The following DEPTOR variants were observed in gnomAD, a reference collection of about 807,000 sequenced individuals.
DEPTOR encodes DEP domain-containing mTOR-interacting protein.
Under a neutral mutation model 41.6 loss-of-function variants are expected in DEPTOR, and 41 were observed. The ratio of observed to expected loss-of-function variants is 0.98; its 90% CI spans 0.77 to 1.28. DEPTOR has a LOEUF of 1.28. DEPTOR is among the 50% of genes most tolerant of loss of function. DEPTOR has a pLI of 0.00. For synonymous variants in DEPTOR, 195 were observed against 192.3 expected, an observed-to-expected ratio of 1.01 and a Z score of -0.12; for missense variants, 514 against 527.9, an observed-to-expected ratio of 0.97 and a Z score of 0.26.
chr8:120,006,717 C>A (rs1812443644), intron 6 of DEPTOR, 88 bp from the exon 7 acceptor site: 2 of 1,158,516 alleles, frequency 1.7e-6, no homozygotes, highest in East Asian at 2.4e-5. Context: ...CACTGATGGT[C>A]ACCTACGAGA....
At chr8:119,921,822 A>G (rs1191879689) in intron 1 of DEPTOR, among the ~76,000 whole-genome samples, 1 of 149,330 alleles carries the variant, frequency 6.7e-6, no homozygotes, top group East Asian at 1.9e-4. Context: ...ATGCAGTGGC[A>G]TGATATCGAC....
intron 8 of DEPTOR, among the ~76,000 whole-genome samples, chr8:120,015,551 C>T (rs1222837135): frequency 2.0e-5 from 3 of 152,154 alleles, no homozygotes; most frequent in Non-Finnish European, 2.9e-5. Context: ...GATATGGCTC[C>T]AATGAGTGGA....
Position 120,037,824 on chromosome 8 carries a change from T to G in DEPTOR, c.1102-11752T>G, listed in dbSNP as rs115347406. On this transcript the variant is annotated intron_variant, in intron 8 of 8. Coordinates refer to ENST00000286234, the MANE Select transcript of DEPTOR (RefSeq NM_022783.4). ...TGAGTCCAGGTTATTGTTAAAAGAGTGAAAATGCCCCTGTCACATTCCCCA... is the reference window on the plus strand; with the variant it reads ...TGAGTCCAGGTTATTGTTAAAAGAGGGAAAATGCCCCTGTCACATTCCCCA... Among the ~76,000 whole-genome samples the G allele has an allele frequency of 4.2e-3, 644 of 152,046 alleles. 3 individuals are homozygous for G. The highest frequency in any genetic ancestry group is 0.015 in the African/African-American group (631 of 41,480).
chr8:119,874,122 C>A, intron 1 of DEPTOR, 154 bp downstream of exon 1: 1 of 1,261,260 alleles, frequency 7.9e-7, no homozygotes, highest in Non-Finnish European at 1.1e-6. Context: ...GGTGCGCCCG[C>A]GCTTAGCTGC....
intron 4 of DEPTOR, among the ~76,000 whole-genome samples, chr8:119,982,242 A>G (rs1365491446): frequency 6.6e-6 from 1 of 152,084 alleles, no homozygotes; most frequent in East Asian, 1.9e-4. Flanking sequence ...CTAAGGACTG[A>G]ACATAACATA....
chr8:119,984,408 T>C (rs1332176286), intron 4 of DEPTOR, among the ~76,000 whole-genome samples: 1 of 152,218 alleles, frequency 6.6e-6, no homozygotes, highest in Non-Finnish European at 1.5e-5. Context: ...CCTAATGCTG[T>C]GCCTCCCCTA....
chr8:119,892,992 AG>A (rs1200868228), intron 1 of DEPTOR, among the ~76,000 whole-genome samples: 1 of 152,158 alleles, frequency 6.6e-6, no homozygotes, highest in East Asian at 1.9e-4. Context: ...CATGTTGGCC[AG>A]GCTGGTCTCG....
At chr8:119,945,211 G>A (rs1404560343) in intron 3 of DEPTOR, among the ~76,000 whole-genome samples, 2 of 152,180 alleles carry the variant, frequency 1.3e-5, no homozygotes, top group African/African-American at 4.8e-5. Flanking sequence ...GAAATCAATA[G>A]GCAGTCCCTT....
intron 8 of DEPTOR, among the ~76,000 whole-genome samples, chr8:120,027,635 G>C (rs1031033645): frequency 1.5e-4 from 22 of 151,284 alleles, no homozygotes; most frequent in Non-Finnish European, 3.2e-4. Context: ...AACCCGGGAG[G>C]TGGAGGTTGC....
At chr8:119,990,950 A>C (rs1276769668) in intron 4 of DEPTOR, among the ~76,000 whole-genome samples, 1 of 152,140 alleles carries the variant, frequency 6.6e-6, no homozygotes, top group African/African-American at 2.4e-5. Context: ...TGCTTTAGGA[A>C]ATAGGGCTCC....
chr8:119,911,083 T>G (rs1827730313), intron 1 of DEPTOR, among the ~76,000 whole-genome samples: 1 of 152,188 alleles, frequency 6.6e-6, no homozygotes, highest in African/African-American at 2.4e-5. Context: ...AGGACTTTAG[T>G]GAACAGGAGC....
At chr8:119,895,229 T>A (rs13263147) in intron 1 of DEPTOR, among the ~76,000 whole-genome samples, 124,668 of 152,180 alleles carry the variant, frequency 0.82, 51,421 homozygotes, top group East Asian at 0.95. Context: ...GACTTAAAAG[T>A]ATGGGTGCCC....
In DEPTOR at chr8:120,001,530, A is replaced by AGC; in HGVS notation, c.610_611insGC (p.Asn204SerfsTer17). On this transcript the variant is annotated frameshift_variant, in exon 5 of 9. Transcript: ENST00000286234. LOFTEE classifies it high-confidence loss of function. Reference sequence around the variant, plus strand: ...GTTTTTTTTTTTCTCCCCAGTGTCCAACAAGCACCCATTTGTGGACAGCAA... The same window carrying AGC: ...GTTTTTTTTTTTCTCCCCAGTGTCCAGCACAAGCACCCATTTGTGGACAGCAA... 2 of 1,607,124 alleles carry AGC rather than the reference A, an allele frequency of 1.2e-6. No individual in the cohort carries two copies. The highest frequency in any genetic ancestry group is 3.4e-5 in the Admixed American group (2 of 59,234).
intron 2 of DEPTOR, 49 bp downstream of exon 2, chr8:119,928,627 G>A (rs28461628): frequency 0.26 from 409,763 of 1,584,922 alleles, 55,566 homozygotes; most frequent in African/African-American, 0.36. Flanking sequence ...GGAAGGACTA[G>A]ATCTTTTCAT....
At chr8:119,892,023 G>C (rs186973338) in intron 1 of DEPTOR, among the ~76,000 whole-genome samples, 1 of 152,190 alleles carries the variant, frequency 6.6e-6, no homozygotes, top group African/African-American at 2.4e-5. Context: ...TTTTGAGACA[G>C]AGTCTGGCTG....
At chr8:119,932,884 G>A (rs562372523) in intron 3 of DEPTOR, among the ~76,000 whole-genome samples, 59 of 152,254 alleles carry the variant, frequency 3.9e-4, no homozygotes, top group African/African-American at 1.3e-3. Flanking sequence ...CAAAGGGAAC[G>A]GTAAGGATAA....
chr8:120,014,992 G>A (rs1812587810), intron 8 of DEPTOR, among the ~76,000 whole-genome samples: 1 of 151,598 alleles, frequency 6.6e-6, no homozygotes, highest in African/African-American at 2.4e-5. Flanking sequence ...TCCTCTAGAA[G>A]ACATCCTCTG....
Position 120,009,104 on chromosome 8 carries a change from A to G in DEPTOR, c.1072A>G (p.Ser358Gly). The G allele has an allele frequency of 6.2e-7, 1 of 1,614,062 alleles. No homozygotes were observed. Among genetic ancestry groups the G allele is most frequent in the Non-Finnish European group, 8.5e-7 (1 of 1,179,980 alleles). ...KPCHIQAVDP[S>G]GPAAAAGMKV... is the part of the protein sequence containing the mutation. The stretch of plus-strand genomic sequence containing the variant: ...ATGCCACATCCAGGCTGTAGACCCC[A>G]GTGGCCCTGCAGCCGCAGCAGGAAT... The change falls in exon 8 of 9, where the codon AGT becomes GGT. Residue 358 changes from serine (S) to glycine (G), a missense_variant. Transcript: ENST00000286234.
chr8:119,960,448 T>A (rs562365258), intron 3 of DEPTOR, among the ~76,000 whole-genome samples: 115 of 151,956 alleles, frequency 7.6e-4, no homozygotes, highest in African/African-American at 2.7e-3. Context: ...TAATCCTGAG[T>A]CCCTTCCATG....
Sources: allele counts gnomAD v4.1 joint callset (sites outside exome capture counted in the v4.1 genomes callset), GRCh38; gene constraint gnomAD v4.1.1; transcripts MANE v1.5; gene names NCBI Gene and HGNC (gene_info 2026-07-23, HGNC 2026-07-21).